The following OR6C2 variants were observed in gnomAD, a reference collection of about 807,000 sequenced individuals.
OR6C2 encodes the protein olfactory receptor family 6 subfamily C member 2, also known as olfactory receptor 6C2.
For synonymous variants in OR6C2, 146 were observed against 134.2 expected, an observed-to-expected ratio of 1.09 and a Z score of -0.61; for missense variants, 435 against 365.8, an observed-to-expected ratio of 1.19 and a Z score of -1.54.
At position 55,453,045 on chromosome 12, in the gene OR6C2, T is replaced by C. The variant is rs1354456489; in HGVS notation, c.832T>C (p.Ser278Pro). ...INKGVSVLTT[S>P]VAPLLNPFIY... ...TAAAGGAGTTTCAGTTCTTACTACTTCTGTCGCACCCTTGTTGAACCCCTT... is the reference window on the plus strand; with the variant it reads ...TAAAGGAGTTTCAGTTCTTACTACTCCTGTCGCACCCTTGTTGAACCCCTT... The change falls in exon 2 of 2, where the codon TCT becomes CCT. Residue 278 changes from serine to proline, a missense_variant. Ser to Pro is a moderately conservative substitution (Grantham distance 74, BLOSUM62 -1). Transcript: ENST00000641202. The C allele has an allele frequency of 1.2e-6, 2 of 1,613,388 alleles. No individual in the cohort carries two copies. The highest frequency in any genetic ancestry group is 3.3e-5 in the Admixed American group (2 of 59,874).
chr12:55,453,064 A>G lies in OR6C2; in HGVS notation c.851A>G (p.Asn284Ser), dbSNP rs572915765. 3.7e-6 allele frequency: 6 copies of G among 1,613,336 alleles called. No individual in the cohort carries two copies. In the African/African-American group the frequency reaches 5.3e-5, roughly 14 times the overall value. The change falls in exon 2 of 2, where the codon AAC becomes AGC. Residue 284 changes from asparagine to serine, a missense_variant. Transcript: ENST00000641202. ...VLTTSVAPLL[N>S]PFIYTLRNKQ... ...ACTACTTCTGTCGCACCCTTGTTGA[A>G]CCCCTTCATTTACACCTTGAGGAAC...
rs562013315 is a variant in OR6C2, at chr12:55,444,898, G to C, written c.-888+739G>C. 7.2e-4 allele frequency among the ~76,000 whole-genome samples: 109 copies of C among 152,206 alleles called. 1 individual carries two copies. The highest frequency in any genetic ancestry group is 2.3e-3 in the African/African-American group (97 of 41,538). ...TTTGCTTGTATAAAAGCAAAACTTA[G>C]AATACATTGACTTTATCTAACAAAG... is the stretch of plus-strand genomic sequence containing the variant. On this transcript the variant is annotated intron_variant, in intron 1 of 1. Coordinates refer to ENST00000641202, the MANE Select transcript of OR6C2 (RefSeq NM_054105.2).
At position 55,453,328 on chromosome 12, in the gene OR6C2, G is replaced by A; in HGVS notation, c.*176G>A. The A allele has an allele frequency of 1.8e-6, 1 of 548,358 alleles. No homozygotes were observed. Among genetic ancestry groups the A allele is most frequent in the Non-Finnish European group, 3.2e-6 (1 of 312,274 alleles). 34.0% of individuals were successfully genotyped at this position (548,358 alleles called of 1,614,324 possible). A position where few individuals can be genotyped will look rare whatever the true frequency, so the allele number is the denominator to read the frequency against. ...CAAAATCCTTATTATTTCGAACCAAGGTCATACATTGTGTTTTCCCTCATT... is the reference window on the plus strand; with the variant it reads ...CAAAATCCTTATTATTTCGAACCAAAGTCATACATTGTGTTTTCCCTCATT... On this transcript the variant is annotated 3_prime_UTR_variant, in exon 2 of 2. Transcript: ENST00000641202.
At chr12:55,448,021 G>A (rs1180392493) in intron 1 of OR6C2, among the ~76,000 whole-genome samples, 4 of 151,578 alleles carry the variant, frequency 2.6e-5, no homozygotes, top group Admixed American at 1.3e-4. Context: ...TGTTTTTCTT[G>A]TTTTTTAATA....
rs1592299554 is a variant in OR6C2, at chr12:55,453,324, C to T, written c.*172C>T. ...TTATCAAAATCCTTATTATTTCGAA[C>T]CAAGGTCATACATTGTGTTTTCCCT... is the stretch of plus-strand genomic sequence containing the variant. On this transcript the variant is annotated 3_prime_UTR_variant, in exon 2 of 2. Transcript: ENST00000641202. 1 of 569,230 alleles carries T rather than the reference C, an allele frequency of 1.8e-6. No homozygotes were observed. The highest frequency in any genetic ancestry group is 3.1e-6 in the Non-Finnish European group (1 of 323,912). The allele number at this position is 569,230 out of a possible 1,614,324, so 35.3% of individuals were successfully genotyped here. A position where few individuals can be genotyped will look rare whatever the true frequency, so the allele number is the denominator to read the frequency against.
intron 1 of OR6C2, among the ~76,000 whole-genome samples, chr12:55,447,066 G>A (rs1379447686): frequency 6.6e-6 from 1 of 152,198 alleles, no homozygotes; most frequent in Admixed American, 6.5e-5. Context: ...AGACCAGTGA[G>A]TCTAGGGCTG....
chr12:55,446,486 C>T (rs1871364364), intron 1 of OR6C2, among the ~76,000 whole-genome samples: 1 of 152,172 alleles, frequency 6.6e-6, no homozygotes, highest in African/African-American at 2.4e-5. Context: ...TCGCCTTGTG[C>T]ATGGCTTGCA....
Position 55,452,481 on chromosome 12 carries a change from A to G in OR6C2, c.268A>G (p.Ile90Val). ...LYNISMGDNTITYNACASQIF... is the reference protein window; with the variant it reads ...LYNISMGDNTVTYNACASQIF... ...CAATATATCAATGGGGGACAATACC[A>G]TTACCTACAATGCTTGTGCCAGTCA... The change falls in exon 2 of 2, where the codon ATT (isoleucine) becomes GTT (valine). Residue 90 changes from isoleucine (I) to valine (V), a missense_variant. By Grantham distance (29) the Ile-to-Val change is conservative (BLOSUM62 3). Coordinates refer to ENST00000641202, the MANE Select transcript of OR6C2 (RefSeq NM_054105.2). 1 of 1,613,894 alleles carries G rather than the reference A, an allele frequency of 6.2e-7. No homozygotes were observed. Among genetic ancestry groups the G allele is most frequent in the Non-Finnish European group, 8.5e-7 (1 of 1,179,844 alleles).
In OR6C2 at chr12:55,452,927, C is replaced by G. The variant is rs766763313; in HGVS notation, c.714C>G (p.Thr238=). The part of the protein sequence containing the change: ...SVQQRKKAFS[T]CSSHMIVVSI... ...AGCAAAGGAAAAAGGCCTTTTCTAC[C>G]TGTTCATCCCACATGATTGTGGTTT... The change falls in exon 2 of 2, where the codon ACC becomes ACG. Residue 238 remains threonine, a synonymous_variant. Transcript: ENST00000641202. 31 of 1,613,602 alleles carry G rather than the reference C, an allele frequency of 1.9e-5. No homozygotes were observed. The highest frequency in any genetic ancestry group is 2.5e-5 in the Non-Finnish European group (29 of 1,179,764).
chr12:55,444,504 A>G (rs1242669736), intron 1 of OR6C2, among the ~76,000 whole-genome samples: 3 of 152,142 alleles, frequency 2.0e-5, no homozygotes, highest in Non-Finnish European at 4.4e-5. Flanking sequence ...CTAAATTGTA[A>G]ATATTCTCTT....
rs1378328421 is a variant in OR6C2, at chr12:55,452,190, T to C, written c.-24T>C. On this transcript the variant is annotated 5_prime_UTR_variant, in exon 2 of 2. Coordinates refer to ENST00000641202, the MANE Select transcript of OR6C2 (RefSeq NM_054105.2). ...ATAAACCGTGATTTTTAAAGGAGGA[T>C]TGGGTAGATATCAAAGAACAGTGAT... The C allele has an allele frequency of 1.4e-6, 2 of 1,428,258 alleles. No individual in the cohort carries two copies. The highest frequency in any genetic ancestry group is 1.9e-6 in the Non-Finnish European group (2 of 1,049,334). The allele number at this position is 1,428,258 out of a possible 1,614,324, so 88.5% of individuals were successfully genotyped here.
rs780926843 is a variant in OR6C2 at position 55,453,014 on chromosome 12, CATAA to C, written c.807_810del (p.Asn269LysfsTer14). 12 of 1,613,442 alleles carry C rather than the reference CATAA, an allele frequency of 7.4e-6. No individual in the cohort carries two copies. The East Asian group carries it at 2.2e-4, about 30-fold the overall frequency. ...AGCCCTCTGCAAAAGATGAGGTGGC[CATAA>C]ATAAAGGAGTTTCAGTTCTTACTAC... On this transcript the variant is annotated frameshift_variant, in exon 2 of 2. Coordinates refer to ENST00000641202, the MANE Select transcript of OR6C2 (RefSeq NM_054105.2). LOFTEE classifies it low-confidence loss of function (END_TRUNC).
chr12:55,444,796 C>A (rs1353479732), intron 1 of OR6C2, among the ~76,000 whole-genome samples: 1 of 152,090 alleles, frequency 6.6e-6, no homozygotes, highest in Non-Finnish European at 1.5e-5. Flanking sequence ...CTTTTCATGA[C>A]CCTGAAGTAG....
intron 1 of OR6C2, among the ~76,000 whole-genome samples, chr12:55,447,841 G>A (rs1871391257): frequency 6.6e-6 from 1 of 151,750 alleles, no homozygotes; most frequent in Non-Finnish European, 1.5e-5. Flanking sequence ...CTATAATTTT[G>A]CATATATACC....
intron 1 of OR6C2, among the ~76,000 whole-genome samples, chr12:55,448,665 A>AAAAAAAAG (rs1340486558): frequency 1.4e-5 from 2 of 147,012 alleles, no homozygotes; most frequent in East Asian, 4.2e-4. Context: ...AAAAAGAAAG[A>AAAAAAAAG]AAAGAAAAGA....
At chr12:55,449,041 T>C (rs1422445458) in intron 1 of OR6C2, among the ~76,000 whole-genome samples, 1 of 151,898 alleles carries the variant, frequency 6.6e-6, no homozygotes, top group Non-Finnish European at 1.5e-5. Flanking sequence ...GGAACTAGAA[T>C]TATGCAAATA....
chr12:55,447,637 T>A (rs1871388423), intron 1 of OR6C2, among the ~76,000 whole-genome samples: 1 of 152,166 alleles, frequency 6.6e-6, no homozygotes, highest in Admixed American at 6.6e-5. Context: ...CTCTTGTAGG[T>A]TCATCTGTGT....
At position 55,452,468 on chromosome 12, in the gene OR6C2, G is replaced by A. The variant is rs765726930; in HGVS notation, c.255G>A (p.Met85Ile). 4.3e-6 allele frequency: 7 copies of A among 1,613,434 alleles called. No homozygotes were observed. The highest frequency in any genetic ancestry group is 2.7e-5 in the African/African-American group (2 of 74,856). Residue 85 changes from methionine to isoleucine, a missense_variant, in exon 2 of 2, where the codon ATG becomes ATA. Transcript: ENST00000641202. Reference protein sequence around the residue: ...CIPRFLYNISMGDNTITYNAC... With the variant: ...CIPRFLYNISIGDNTITYNAC... ...CCAGATTCTTGTACAATATATCAATGGGGGACAATACCATTACCTACAATG... is the reference window on the plus strand; with the variant it reads ...CCAGATTCTTGTACAATATATCAATAGGGGACAATACCATTACCTACAATG...
In OR6C2 at chr12:55,453,063, A is replaced by C. The variant is rs1314241355; in HGVS notation, c.850A>C (p.Asn284His). ...TACTACTTCTGTCGCACCCTTGTTG[A>C]ACCCCTTCATTTACACCTTGAGGAA... is the stretch of plus-strand genomic sequence containing the variant. Reference protein sequence around the residue: ...VLTTSVAPLLNPFIYTLRNKQ... With the variant: ...VLTTSVAPLLHPFIYTLRNKQ... Residue 284 changes from asparagine to histidine, a missense_variant, in exon 2 of 2, where the codon AAC (asparagine) becomes CAC (histidine). Transcript: ENST00000641202. The C allele has an allele frequency of 6.2e-7, 1 of 1,613,446 alleles. No homozygotes were observed. Among genetic ancestry groups the C allele is most frequent in the South Asian group, 1.1e-5 (1 of 91,078 alleles).
Sources: allele counts gnomAD v4.1 joint callset (sites outside exome capture counted in the v4.1 genomes callset), GRCh38; gene constraint gnomAD v4.1.1; transcripts MANE v1.5; gene names NCBI Gene and HGNC (gene_info 2026-07-23, HGNC 2026-07-21).